Variants in KCNJ4 observed in about 807,000 individuals in gnomAD.
KCNJ4 encodes the protein inward rectifier potassium channel 4.
A neutral mutation model predicts 25.6 loss-of-function variants in KCNJ4; 3 were observed. The ratio of observed to expected loss-of-function variants is 0.12; its 90% confidence interval spans 0.05 to 0.30. The LOEUF (loss-of-function observed/expected upper bound fraction) is 0.30, where lower values mean the gene tolerates loss of function less well. KCNJ4 is among the 10% of genes least tolerant of loss of function. KCNJ4 has a pLI of 1.00. For synonymous variants in KCNJ4, 257 were observed against 283.9 expected (o/e 0.91, Z 0.95); for missense variants, 286 against 666.8 (o/e 0.43, Z 6.29).
chr22:38,429,485 C>T (rs1045778662), intron 1 of KCNJ4, among the ~76,000 whole-genome samples: 2 of 152,204 alleles, frequency 1.3e-5, no homozygotes, highest in African/African-American at 4.8e-5. Flanking sequence ...CTCAGAGCCT[C>T]CATGTCTTCA....
chr22:38,454,561 G>A (rs370588775), intron 1 of KCNJ4, among the ~76,000 whole-genome samples: 13 of 152,176 alleles, frequency 8.5e-5, no homozygotes, highest in Admixed American at 5.9e-4. Context: ...TCGTTCTTCA[G>A]ATCACAGGGC....
rs1045980733 is a variant in KCNJ4 at position 38,449,771 on chromosome 22, C to G, written c.-40+5209G>C. On this transcript the variant is annotated intron_variant, in intron 1 of 1. Coordinates refer to ENST00000303592, the MANE Select transcript of KCNJ4 (RefSeq NM_152868.3). This position sits in a 1 kb window ranked among gnomAD's most constrained non-coding sequence, Gnocchi z 5.2. ...TCCCCTTGCTGAGCCTCAGTTTCCC[C>G]TTCTGTAAATGAGAATCATCTATGT... Among the ~76,000 whole-genome samples, 10 of 152,274 alleles carry G rather than the reference C, an allele frequency of 6.6e-5. No homozygotes were observed. Among genetic ancestry groups the G allele is most frequent in the Non-Finnish European group, 1.5e-4 (10 of 68,044 alleles).
chr22:38,449,017 C>T lies in KCNJ4; in HGVS notation c.-40+5963G>A, dbSNP rs929258768. ...TGGGGTCGGGAACACCAAGGACCCC[C>T]TTTCCTGGTAGCCCCTAAGGACCTC... On this transcript the variant is annotated intron_variant, in intron 1 of 1. Transcript: ENST00000303592. The surrounding 1 kb of genome is among the most constrained non-coding windows in gnomAD (Gnocchi z 5.2). Among the ~76,000 whole-genome samples, 1 of 152,188 alleles carries T rather than the reference C, an allele frequency of 6.6e-6. No individual in the cohort carries two copies. Among genetic ancestry groups the T allele is most frequent in the Admixed American group, 6.5e-5 (1 of 15,290 alleles).
intron 1 of KCNJ4, among the ~76,000 whole-genome samples, chr22:38,439,740 A>G (rs1047514363): frequency 1.4e-5 from 2 of 140,854 alleles, no homozygotes; most frequent in African/African-American, 2.7e-5. Flanking sequence ...GCGCCACTGC[A>G]CTCCAGCCTG....
At chr22:38,452,166 C>G (rs970742886) in intron 1 of KCNJ4, among the ~76,000 whole-genome samples, 4 of 152,168 alleles carry the variant, frequency 2.6e-5, no homozygotes, top group African/African-American at 9.7e-5. Flanking sequence ...CCCAGGAGAG[C>G]CGCAGAACTT....
intron 1 of KCNJ4, among the ~76,000 whole-genome samples, chr22:38,428,811 AC>A (rs1408309731): frequency 2.3e-4 from 35 of 152,274 alleles, no homozygotes; most frequent in Non-Finnish European, 4.6e-4. Flanking sequence ...CTGGCTGGGC[AC>A]AGGGGCTCAT....
intron 1 of KCNJ4, among the ~76,000 whole-genome samples, chr22:38,430,060 C>T (rs552405386): frequency 6.8e-4 from 103 of 152,190 alleles, no homozygotes; most frequent in African/African-American, 2.3e-3. Context: ...TCCTCCCCCG[C>T]GGTCACCCAC....
At chr22:38,451,113 C>A (rs191327923) in intron 1 of KCNJ4, among the ~76,000 whole-genome samples, 1 of 152,362 alleles carries the variant, frequency 6.6e-6, no homozygotes, top group East Asian at 1.9e-4. Flanking sequence ...AGCCCAGTGC[C>A]TGGCGAGCAA....
chr22:38,448,399 C>T (rs1483220056), intron 1 of KCNJ4, among the ~76,000 whole-genome samples: 1 of 152,140 alleles, frequency 6.6e-6, no homozygotes, highest in East Asian at 1.9e-4. Flanking sequence ...CAAAGAGAGG[C>T]CCCCAGATGG....
chr22:38,434,946 C>T (rs1331958652), intron 1 of KCNJ4, among the ~76,000 whole-genome samples: 1 of 152,124 alleles, frequency 6.6e-6, no homozygotes, highest in African/African-American at 2.4e-5. Context: ...AACCACCATG[C>T]GTTATTACAT....
At chr22:38,430,934 C>T (rs2093047828) in intron 1 of KCNJ4, among the ~76,000 whole-genome samples, 1 of 152,228 alleles carries the variant, frequency 6.6e-6, no homozygotes, top group African/African-American at 2.4e-5. Context: ...TGAACAAGGC[C>T]TCACCCCCAC....
chr22:38,428,696 C>G (rs1436771703), intron 1 of KCNJ4, among the ~76,000 whole-genome samples: 1 of 152,164 alleles, frequency 6.6e-6, no homozygotes, highest in African/African-American at 2.4e-5. Context: ...AACTGCAGCT[C>G]CTTCCTTGCA....
chr22:38,434,381 C>G (rs542604206), intron 1 of KCNJ4, among the ~76,000 whole-genome samples: 31 of 152,342 alleles, frequency 2.0e-4, no homozygotes, highest in African/African-American at 7.5e-4. Context: ...GCTGCCTCCT[C>G]TCTCTCATTG....
At position 38,449,426 on chromosome 22, in the gene KCNJ4, C is replaced by G. The variant is rs2089396862; in HGVS notation, c.-40+5554G>C. 6.6e-6 allele frequency among the ~76,000 whole-genome samples: 1 copy of G among 152,200 alleles called. No individual in the cohort carries two copies. The highest frequency in any genetic ancestry group is 2.1e-4 in the South Asian group (1 of 4,832). The stretch of plus-strand genomic sequence containing the variant: ...CATGAATATGAAGCCCAGCGCTGAG[C>G]CTGGCACTCAGCTTCCCTCCTGCAG... On this transcript the variant is annotated intron_variant, in intron 1 of 1. Coordinates refer to ENST00000303592, the MANE Select transcript of KCNJ4 (RefSeq NM_152868.3). The surrounding 1 kb of genome is among the most constrained non-coding windows in gnomAD (Gnocchi z 5.2).
At chr22:38,438,082 T>C (rs1047193296) in intron 1 of KCNJ4, among the ~76,000 whole-genome samples, 3 of 151,588 alleles carry the variant, frequency 2.0e-5, no homozygotes, top group Non-Finnish European at 4.4e-5. Context: ...CTACTAAAAA[T>C]ACAAAAATTA....
At chr22:38,438,899 G>A (rs2089312712) in intron 1 of KCNJ4, among the ~76,000 whole-genome samples, 1 of 152,156 alleles carries the variant, frequency 6.6e-6, no homozygotes, top group Non-Finnish European at 1.5e-5. Flanking sequence ...GCCTGGTCTG[G>A]TTTTAATTTC....
chr22:38,428,862 ATTGT>A (rs2093040801), intron 1 of KCNJ4, among the ~76,000 whole-genome samples: 1 of 151,870 alleles, frequency 6.6e-6, no homozygotes, highest in African/African-American at 2.4e-5. Context: ...AGATGCAAAG[ATTGT>A]TTGTGCCAGG....
chr22:38,430,631 C>A (rs909972889), intron 1 of KCNJ4, among the ~76,000 whole-genome samples: 1 of 152,216 alleles, frequency 6.6e-6, no homozygotes, highest in South Asian at 2.1e-4. Context: ...CTCTTTGCCC[C>A]CTCCCGCAGC....
chr22:38,431,578 G>A (rs1222964846), intron 1 of KCNJ4, among the ~76,000 whole-genome samples: 1 of 152,204 alleles, frequency 6.6e-6, no homozygotes, highest in East Asian at 1.9e-4. Flanking sequence ...ACATCCTGGA[G>A]CTTAGCAGGA....
Sources: gnomAD v4.1 joint callset for allele counts (sites outside exome capture counted in the v4.1 genomes callset) on GRCh38, gnomAD v4.1.1 for gene constraint, Gnocchi (gnomAD v3.1) non-coding constraint, MANE v1.5 for transcripts, NCBI Gene and HGNC (gene_info 2026-07-23, HGNC 2026-07-21) for gene names.